Variants in ETFA observed in about 807,000 individuals in gnomAD.
ETFA encodes electron transfer flavoprotein subunit alpha, also known as electron transfer flavoprotein subunit alpha, mitochondrial.
ETFA carries 22 observed loss-of-function variants against 46.2 expected under a neutral mutation model. The ratio of observed to expected loss-of-function variants is 0.48; its 90% CI spans 0.34 to 0.68. The LOEUF (loss-of-function observed/expected upper bound fraction) is 0.68, where lower values mean the gene tolerates loss of function less well. Among genes scored for constraint, ETFA ranks in the 30% least tolerant of loss-of-function variants. The pLI is 0.01. For synonymous variants in ETFA, 131 were observed against 139.9 expected (o/e 0.94, Z 0.45); for missense variants, 345 against 401.1 (o/e 0.86, Z 1.19).
At chr15:76,277,272 C>T (rs2039602353) in intron 8 of ETFA, among the ~76,000 whole-genome samples, 1 of 152,124 alleles carries the variant, frequency 6.6e-6, no homozygotes, top group South Asian at 2.1e-4. Context: ...GATAAAGCCC[C>T]ACAAGTTAAT....
rs1290718752 is a variant in ETFA, at chr15:76,286,481, C to T, written c.452G>A (p.Gly151Glu). Reference sequence around the variant, plus strand: ...ACACTTCACTGTACATAGAGCATTTCCTGAAACATACAATCTATTTCTTAA... The same window carrying T: ...ACACTTCACTGTACATAGAGCATTTTCTGAAACATACAATCTATTTCTTAA... ...PDTFVRTIYA[G>E]NALCTVKCDE... The change falls in exon 6 of 12, where the codon GGA becomes GAA. Residue 151 changes from glycine to glutamate, a missense_variant and splice_region_variant. By Grantham distance (98) the Gly-to-Glu change is moderately conservative (BLOSUM62 -2). Transcript: ENST00000557943. The T allele has an allele frequency of 6.3e-7, 1 of 1,592,896 alleles. No individual in the cohort carries two copies. The highest frequency in any genetic ancestry group is 8.6e-7 in the Non-Finnish European group (1 of 1,161,048).
intron 10 of ETFA, among the ~76,000 whole-genome samples, chr15:76,226,761 C>G (rs1238719249): frequency 6.6e-6 from 1 of 152,076 alleles, no homozygotes; most frequent in African/African-American, 2.4e-5. Flanking sequence ...CATCTGTAGT[C>G]CAAGCTACTC....
intron 4 of ETFA, among the ~76,000 whole-genome samples, chr15:76,290,692 A>G (rs2039752146): frequency 1.3e-5 from 2 of 152,158 alleles, no homozygotes; most frequent in Admixed American, 1.3e-4. Flanking sequence ...ATGCCATATT[A>G]TCCCATTTTA....
chr15:76,306,267 C>CTTTTTT (rs35290919), intron 1 of ETFA, among the ~76,000 whole-genome samples: 1 of 109,492 alleles, frequency 9.1e-6, no homozygotes, highest in Admixed American at 1.1e-4. Flanking sequence ...TTTTTTGCTT[C>CTTTTTT]TTTTTTTTTT....
chr15:76,265,664 A>G (rs998174682), intron 9 of ETFA, among the ~76,000 whole-genome samples: 3 of 152,166 alleles, frequency 2.0e-5, no homozygotes, highest in Admixed American at 6.5e-5. Flanking sequence ...GATGGCAGGG[A>G]CAATCCAACC....
At chr15:76,230,388 G>C (rs1245515569) in intron 10 of ETFA, 1 of 68,384 alleles carries the variant, frequency 1.5e-5, no homozygotes, top group African/African-American at 5.0e-5. Flanking sequence ...TACCACGCCC[G>C]GCTAATTTTT....
At position 76,261,369 on chromosome 15, in the gene ETFA, C is replaced by T. The variant is rs74342138; in HGVS notation, c.816+13043G>A. 39 of 1,243,696 alleles carry T rather than the reference C, an allele frequency of 3.1e-5. 1 individual carries two copies. The East Asian group carries it at 3.4e-4, about 11-fold the overall frequency. The allele number at this position is 1,243,696 out of a possible 1,614,324, so 77.0% of individuals were successfully genotyped here. A position where few individuals can be genotyped will look rare whatever the true frequency, so the allele number is the denominator to read the frequency against. ...CATCCACCTTGCACCAGTACTGGCCCGTGTCAGAGCGCTCCACTGACTTCA... is the reference window on the plus strand; with the variant it reads ...CATCCACCTTGCACCAGTACTGGCCTGTGTCAGAGCGCTCCACTGACTTCA... On this transcript the variant is annotated intron_variant, in intron 9 of 11. Transcript: ENST00000557943.
intron 1 of ETFA, among the ~76,000 whole-genome samples, chr15:76,296,861 A>G (rs772436834): frequency 6.6e-6 from 1 of 152,240 alleles, no homozygotes; most frequent in South Asian, 2.1e-4. Context: ...TTTTCAAATA[A>G]TGAAGAGATC....
chr15:76,299,532 C>T (rs934876837), intron 1 of ETFA, among the ~76,000 whole-genome samples: 1 of 152,158 alleles, frequency 6.6e-6, no homozygotes, highest in African/African-American at 2.4e-5. Flanking sequence ...ATCCTCGCAC[C>T]TTGGCCTCCC....
At chr15:76,304,525 G>A (rs1596228741) in intron 1 of ETFA, among the ~76,000 whole-genome samples, 1 of 152,044 alleles carries the variant, frequency 6.6e-6, no homozygotes, top group South Asian at 2.1e-4. Context: ...TTAGTCAGAT[G>A]TGGTGGCGCA....
intron 9 of ETFA, among the ~76,000 whole-genome samples, chr15:76,273,890 A>G (rs1258520443): frequency 6.6e-6 from 1 of 152,218 alleles, no homozygotes; most frequent in Non-Finnish European, 1.5e-5. Context: ...GGCTTAACTG[A>G]AGAATATTCT....
In ETFA at chr15:76,215,660, G is replaced by A. The variant is rs2038890253; in HGVS notation, c.*899C>T. The A allele has an allele frequency of 6.6e-6, 1 of 152,354 alleles. No individual in the cohort carries two copies. The highest frequency in any genetic ancestry group is 3.3e-3 in the Middle Eastern group (1 of 300). 9.4% of individuals were successfully genotyped at this position (152,354 alleles called of 1,614,324 possible). A position where few individuals can be genotyped will look rare whatever the true frequency, so the allele number is the denominator to read the frequency against. On this transcript the variant is annotated 3_prime_UTR_variant, in exon 12 of 12. Coordinates refer to ENST00000557943, the MANE Select transcript of ETFA (RefSeq NM_000126.4). ...TGCATCCACACCAGCTGCAGCCCTG[G>A]TGACACTCTTGGACCTCAGCTGTGC... is the stretch of plus-strand genomic sequence containing the variant.
chr15:76,297,403 AT>A (rs1164504841), intron 1 of ETFA, among the ~76,000 whole-genome samples: 17 of 151,372 alleles, frequency 1.1e-4, no homozygotes, highest in Non-Finnish European at 2.1e-4. Flanking sequence ...AAAATAAAAA[AT>A]AATTTAAATT....
At chr15:76,267,429 C>T (rs1417557307) in intron 9 of ETFA, among the ~76,000 whole-genome samples, 3 of 152,112 alleles carry the variant, frequency 2.0e-5, no homozygotes, top group Non-Finnish European at 4.4e-5. Context: ...TTAATTTGGC[C>T]GGTTTTGTTG....
chr15:76,234,976 T>C (rs906288287), intron 9 of ETFA, among the ~76,000 whole-genome samples: 7 of 152,206 alleles, frequency 4.6e-5, no homozygotes, highest in Admixed American at 1.3e-4. Flanking sequence ...TTGCATCTGA[T>C]GCGGTTTAAC....
At chr15:76,299,906 AT>A (rs903663571) in intron 1 of ETFA, among the ~76,000 whole-genome samples, 117 of 152,192 alleles carry the variant, frequency 7.7e-4, no homozygotes, top group African/African-American at 2.6e-3. Flanking sequence ...TCTCATCAAC[AT>A]TTAAACATGA....
chr15:76,226,985 A>G (rs1323342621), intron 10 of ETFA, among the ~76,000 whole-genome samples: 1 of 152,250 alleles, frequency 6.6e-6, no homozygotes, highest in African/African-American at 2.4e-5. Flanking sequence ...GCCTGTTAGT[A>G]AGGGACGTTA....
chr15:76,222,825 T>C (rs1226550709), intron 11 of ETFA, among the ~76,000 whole-genome samples: 1 of 130,912 alleles, frequency 7.6e-6, no homozygotes, highest in Non-Finnish European at 1.7e-5. Flanking sequence ...TTAGTTTTTT[T>C]CCCCCAAACT....
chr15:76,281,290 C>T (rs2039648023), intron 8 of ETFA, among the ~76,000 whole-genome samples: 1 of 152,118 alleles, frequency 6.6e-6, no homozygotes, highest in South Asian at 2.1e-4. Context: ...CAGGCATGAG[C>T]CACCACACCC....
Sources: gnomAD v4.1 joint callset for allele counts (sites outside exome capture counted in the v4.1 genomes callset) on GRCh38, gnomAD v4.1.1 for gene constraint, MANE v1.5 for transcripts, NCBI Gene and HGNC (gene_info 2026-07-23, HGNC 2026-07-21) for gene names.